The following OPA1 variants were observed in gnomAD, a reference collection of about 807,000 sequenced individuals.
The protein encoded by OPA1 is OPA1 mitochondrial dynamin like GTPase, also known as dynamin-like GTPase OPA1, mitochondrial.
Under a neutral mutation model 152.9 loss-of-function variants are expected in OPA1, and 59 were observed. The ratio of observed to expected loss-of-function variants is 0.39; its 90% CI spans 0.31 to 0.48. OPA1 has a LOEUF of 0.48. OPA1 is among the 20% of genes least tolerant of loss of function. OPA1 has a pLI of 0.96. For missense variants in OPA1, 1,008 were observed against 1,216.8 expected, an observed-to-expected ratio of 0.83 and a Z score of 2.55; for synonymous variants, 400 against 389.9, an observed-to-expected ratio of 1.03 and a Z score of -0.31.
intron 21 of OPA1, among the ~76,000 whole-genome samples, chr3:193,650,487 G>T (rs948784415): frequency 1.3e-5 from 2 of 152,160 alleles, no homozygotes; most frequent in Admixed American, 1.3e-4. Flanking sequence ...ATGTTGTCTT[G>T]AAGTTTTTAT....
At position 193,598,341 on chromosome 3, in the gene OPA1, T is replaced by C. The variant is rs184530576; in HGVS notation, c.32+4932T>C. On this transcript the variant is annotated intron_variant, in intron 1 of 30. Coordinates refer to ENST00000361510, the MANE Select transcript of OPA1 (RefSeq NM_130837.3). ...TGAAGTAGAGGGCAAGGTCATCTAC[T>C]GAGAGTTGGGGAGGTCAAGAGAGAT... Among the ~76,000 whole-genome samples the C allele has an allele frequency of 2.9e-3, 443 of 152,256 alleles. 1 individual carries two copies. The highest frequency in any genetic ancestry group is 3.4e-3 in the Middle Eastern group (1 of 294).
At chr3:193,625,186 G>A (rs183747896) in intron 6 of OPA1, among the ~76,000 whole-genome samples, 2 of 152,090 alleles carry the variant, frequency 1.3e-5, no homozygotes, top group Admixed American at 1.3e-4. Context: ...CATGCCACAT[G>A]TGAATATCCT....
At chr3:193,607,792 G>A (rs1271225466) in intron 1 of OPA1, among the ~76,000 whole-genome samples, 1 of 152,238 alleles carries the variant, frequency 6.6e-6, no homozygotes, top group African/African-American at 2.4e-5. Context: ...TTCCAATTCT[G>A]TGAAGAAAGT....
intron 13 of OPA1, 82 bp from the exon 14 acceptor site, chr3:193,643,291 T>A: frequency 8.8e-7 from 1 of 1,132,988 alleles, no homozygotes; most frequent in Non-Finnish European, 1.3e-6. Flanking sequence ...ATAGAATTTT[T>A]AGAATACATT....
chr3:193,666,270 G>C lies in OPA1; in HGVS notation c.2779-26G>C, dbSNP rs1331612463. 9.5e-6 allele frequency: 15 copies of C among 1,584,858 alleles called. 1 individual carries two copies. In the South Asian group the frequency reaches 1.2e-4, roughly 13 times the overall value. On this transcript the variant is annotated intron_variant, in intron 27 of 30. Transcript: ENST00000361510. ...AGTTTTCATTTTAACTTTGCATCTG[G>C]TAATCTTAGTTACTTAATATTTCAG...
chr3:193,685,674 G>A (rs1406241529), intron 29 of OPA1, among the ~76,000 whole-genome samples: 1 of 152,000 alleles, frequency 6.6e-6, no homozygotes, highest in Non-Finnish European at 1.5e-5. Context: ...TTTCCAAAAT[G>A]AATTATGAAG....
intron 25 of OPA1, among the ~76,000 whole-genome samples, chr3:193,661,416 T>G (rs1429189403): frequency 6.6e-6 from 1 of 152,190 alleles, no homozygotes; most frequent in East Asian, 1.9e-4. Flanking sequence ...TCCTTCTCTA[T>G]CCTTTCTATC....
chr3:193,645,844 G>A, intron 18 of OPA1, 44 bp downstream of exon 18: 1 of 1,426,496 alleles, frequency 7.0e-7, no homozygotes, highest in South Asian at 1.2e-5. Context: ...CAGTAAGAGA[G>A]TAGCTTAAAT....
chr3:193,656,281 G>A (rs1393579337), intron 22 of OPA1, among the ~76,000 whole-genome samples: 1 of 152,094 alleles, frequency 6.6e-6, no homozygotes, highest in Non-Finnish European at 1.5e-5. Flanking sequence ...TGTAGATCTG[G>A]TGAGAAGGTC....
At chr3:193,677,262 C>A (rs2109365574) in intron 29 of OPA1, among the ~76,000 whole-genome samples, 1 of 149,332 alleles carries the variant, frequency 6.7e-6, no homozygotes, top group African/African-American at 2.4e-5. Context: ...ATTCAAAAGG[C>A]CAGTGCACAA....
At chr3:193,682,576 C>T (rs949731064) in intron 29 of OPA1, among the ~76,000 whole-genome samples, 1 of 152,114 alleles carries the variant, frequency 6.6e-6, no homozygotes, top group Non-Finnish European at 1.5e-5. Context: ...GCCAATGCAG[C>T]AGGTGCCTTT....
chr3:193,621,372 A>G (rs367763268), intron 6 of OPA1, among the ~76,000 whole-genome samples: 2 of 152,354 alleles, frequency 1.3e-5, no homozygotes, highest in South Asian at 4.1e-4. Flanking sequence ...CAGAATAAAC[A>G]TGATGAACCG....
chr3:193,654,499 C>CAA (rs60601464), intron 21 of OPA1, among the ~76,000 whole-genome samples: 21 of 135,040 alleles, frequency 1.6e-4, no homozygotes, highest in East Asian at 4.2e-4. Flanking sequence ...GACCCTGTCT[C>CAA]AAAAAAAAAA....
At position 193,671,544 on chromosome 3, in the gene OPA1, G is replaced by T. The variant is rs190253375; in HGVS notation, c.2983+4264G>T. On this transcript the variant is annotated intron_variant, in intron 29 of 30. Transcript: ENST00000361510. ...ATGGGCCAGTTAGTGATATTTGAAG[G>T]GGATCCGAGGGTTCCATTGTAGTAA... Among the ~76,000 whole-genome samples, 285 of 152,206 alleles carry T rather than the reference G, an allele frequency of 1.9e-3. 5 individuals carry two copies. Among genetic ancestry groups the T allele is most frequent in the Admixed American group, 0.019 (285 of 15,294 alleles).
chr3:193,607,861 A>G (rs1193576410), intron 1 of OPA1, among the ~76,000 whole-genome samples: 1 of 152,106 alleles, frequency 6.6e-6, no homozygotes, highest in East Asian at 1.9e-4. Context: ...CAGTATGGCC[A>G]TTTTCACGAT....
chr3:193,632,999 A>T (rs1207438460), intron 8 of OPA1, among the ~76,000 whole-genome samples: 1 of 152,172 alleles, frequency 6.6e-6, no homozygotes, highest in Non-Finnish European at 1.5e-5. Flanking sequence ...TGAATTAGGG[A>T]TAATCAGTCA....
chr3:193,606,296 T>TA (rs1727260256), intron 1 of OPA1, among the ~76,000 whole-genome samples: 1 of 152,196 alleles, frequency 6.6e-6, no homozygotes. Context: ...CTTTAAGTTT[T>TA]AGGGTACATG....
intron 25 of OPA1, among the ~76,000 whole-genome samples, chr3:193,661,116 A>G (rs895204392): frequency 6.6e-6 from 1 of 152,208 alleles, no homozygotes; most frequent in African/African-American, 2.4e-5. Flanking sequence ...TTTGTCAGGA[A>G]CTTAAACCCA....
At chr3:193,619,285 T>A (rs1422460075) in intron 6 of OPA1, among the ~76,000 whole-genome samples, 1 of 152,168 alleles carries the variant, frequency 6.6e-6, no homozygotes, top group African/African-American at 2.4e-5. Context: ...AATATACTCA[T>A]GCGCATTGTG....
Sources: allele counts gnomAD v4.1 joint callset (sites outside exome capture counted in the v4.1 genomes callset), GRCh38; gene constraint gnomAD v4.1.1; transcripts MANE v1.5; gene names NCBI Gene and HGNC (gene_info 2026-07-23, HGNC 2026-07-21).